Variants in HMGXB4 observed in about 807,000 individuals in gnomAD.
HMGXB4 encodes HMG-box containing 4, also known as HMG domain-containing protein 4.
A neutral mutation model predicts 63.9 loss-of-function variants in HMGXB4; 27 were observed. The observed-to-expected ratio is 0.42, with a 90% CI of 0.31 to 0.58. HMGXB4 has a LOEUF of 0.58. Ranked by LOEUF, HMGXB4 falls within the 20% of genes least tolerant of loss-of-function variation. The probability of loss-of-function intolerance (pLI) is 0.13; values close to 1 mark genes in which losing one functional copy is unlikely to be tolerated. For synonymous variants in HMGXB4, 264 were observed against 265.3 expected (o/e 0.99, Z 0.05); for missense variants, 624 against 700.7 (o/e 0.89, Z 1.24).
chr22:35,259,962 A>G (rs1014837641), intron 1 of HMGXB4, among the ~76,000 whole-genome samples: 1 of 152,166 alleles, frequency 6.6e-6, no homozygotes, highest in Non-Finnish European at 1.5e-5. Flanking sequence ...CCCTCTCACA[A>G]CTTTTTAATC....
At chr22:35,287,127 T>C in intron 7 of HMGXB4, 1 of 483,950 alleles carries the variant, frequency 2.1e-6, no homozygotes, top group South Asian at 2.5e-5. Flanking sequence ...GATTTGACCA[T>C]TAGCATTGAG....
At chr22:35,279,448 T>C (rs1022613686) in intron 5 of HMGXB4, among the ~76,000 whole-genome samples, 2 of 152,082 alleles carry the variant, frequency 1.3e-5, no homozygotes, top group East Asian at 3.9e-4. Context: ...GTCTTTTTAT[T>C]TTTTTAAGTG....
intron 9 of HMGXB4, among the ~76,000 whole-genome samples, chr22:35,290,031 T>C (rs1192788549): frequency 6.6e-6 from 1 of 152,232 alleles, no homozygotes; most frequent in Admixed American, 6.5e-5. Flanking sequence ...CTTTGGCTAG[T>C]TTCTAAAAAT....
chr22:35,265,196 G>C lies in HMGXB4; in HGVS notation c.808G>C (p.Asp270His), dbSNP rs1923135194. 6.2e-7 allele frequency: 1 copy of C among 1,614,028 alleles called. No individual in the cohort carries two copies. Among genetic ancestry groups the C allele is most frequent in the South Asian group, 1.1e-5 (1 of 91,074 alleles). ...TCCTGGCCCTGAAGGCTGTGGGTCT[G>C]ACGCCTCCCAGTTCGCAGAGTCCCA... is the stretch of plus-strand genomic sequence containing the variant. ...SSPGPEGCGS[D>H]ASQFAESHSA... Residue 270 changes from aspartate to histidine, a missense_variant, in exon 5 of 11, where the codon GAC (aspartate) becomes CAC (histidine). Asp to His is a moderately conservative substitution (Grantham distance 81). Around this residue, in one of 2 missense-constraint regions of HMGXB4, gnomAD observed 472 missense variants for 470.6 expected, o/e 1.00. Coordinates refer to ENST00000216106, the MANE Select transcript of HMGXB4 (RefSeq NM_001003681.3).
At chr22:35,287,589 C>A in intron 8 of HMGXB4, 137 bp downstream of exon 8, 1 of 648,458 alleles carries the variant, frequency 1.5e-6, no homozygotes. Context: ...ATGTTACAAG[C>A]TACCAAAAAG....
chr22:35,263,282 G>T, intron 3 of HMGXB4, 56 bp downstream of exon 3: 1 of 1,399,130 alleles, frequency 7.1e-7, no homozygotes, highest in Non-Finnish European at 9.8e-7. Context: ...TTTTTTTGGT[G>T]ATGCAGAGTT....
intron 2 of HMGXB4, 52 bp downstream of exon 2, chr22:35,262,473 C>CATGGGCTGCAAGGA: frequency 6.4e-7 from 1 of 1,552,876 alleles, no homozygotes; most frequent in Non-Finnish European, 8.9e-7. Flanking sequence ...CTCTTCAATC[C>CATGGGCTGCAAGGA]TTGCAGCCCA....
At position 35,282,518 on chromosome 22, in the gene HMGXB4, C is replaced by T. The variant is rs1029384163; in HGVS notation, c.1216-1444C>T. On this transcript the variant is annotated intron_variant, in intron 5 of 10. Coordinates refer to ENST00000216106, the MANE Select transcript of HMGXB4 (RefSeq NM_001003681.3). ...AAAAGGACTAGGAGTAGATGAAAGA[C>T]GGAGAATCATATTTTGATGCTTCCA... is the stretch of plus-strand genomic sequence containing the variant. 7.9e-5 allele frequency among the ~76,000 whole-genome samples: 12 copies of T among 152,216 alleles called. No homozygotes were observed. The East Asian group carries it at 9.7e-4, about 12-fold the overall frequency.
chr22:35,283,670 A>G (rs1924397380), intron 5 of HMGXB4, among the ~76,000 whole-genome samples: 3 of 152,114 alleles, frequency 2.0e-5, no homozygotes, highest in African/African-American at 7.2e-5. Flanking sequence ...GGCACCTGTA[A>G]TCTCAGCTAC....
intron 5 of HMGXB4, among the ~76,000 whole-genome samples, chr22:35,270,779 A>T (rs1280738581): frequency 6.6e-6 from 1 of 152,182 alleles, no homozygotes; most frequent in Non-Finnish European, 1.5e-5. Context: ...AAGAGTTAAT[A>T]TCTTTGATTG....
chr22:35,293,761 A>C lies in HMGXB4; in HGVS notation c.*110A>C. On this transcript the variant is annotated 3_prime_UTR_variant, in exon 11 of 11. Transcript: ENST00000216106. ...CTCTGGCTGTAGGTTTTAAATTTTTATATCTATACATACATATATACATAT... is the reference window on the plus strand; with the variant it reads ...CTCTGGCTGTAGGTTTTAAATTTTTCTATCTATACATACATATATACATAT... 1 of 664,442 alleles carries C rather than the reference A, an allele frequency of 1.5e-6. No homozygotes were observed. Among genetic ancestry groups the C allele is most frequent in the Admixed American group, 2.5e-5 (1 of 40,562 alleles). The allele number at this position is 664,442 out of a possible 1,614,324, so 41.2% of individuals were successfully genotyped here. A position where few individuals can be genotyped will look rare whatever the true frequency, so the allele number is the denominator to read the frequency against.
chr22:35,263,865 T>C lies in HMGXB4; in HGVS notation c.250T>C (p.Tyr84His). ...KKRKHSSDDY[Y>H]YGDISSLESS... The stretch of plus-strand genomic sequence containing the variant: ...GAGGAAGCACTCCTCTGATGATTAC[T>C]ACTATGGAGGTGAGGATGGGAATGG... The change falls in exon 4 of 11, where the codon TAC becomes CAC. Residue 84 changes from tyrosine to histidine, a missense_variant. By Grantham distance (83) the Tyr-to-His change is moderately conservative. Around this residue, in one of 2 missense-constraint regions of HMGXB4, gnomAD observed 472 missense variants for 470.6 expected, o/e 1.00. Transcript: ENST00000216106. The C allele has an allele frequency of 6.2e-7, 1 of 1,613,350 alleles. No homozygotes were observed. The highest frequency in any genetic ancestry group is 8.5e-7 in the Non-Finnish European group (1 of 1,179,272).
At chr22:35,253,243 T>C (rs573507379), upstream of HMGXB4, among the ~76,000 whole-genome samples, 2 of 152,150 alleles carry the variant, frequency 1.3e-5, no homozygotes, top group Admixed American at 6.5e-5. Flanking sequence ...GAAGGGGCCC[T>C]GAAGATAAAA....
chr22:35,265,398 A>G lies in HMGXB4; in HGVS notation c.1010A>G (p.Lys337Arg), dbSNP rs1923159061. Residue 337 changes from lysine to arginine, a missense_variant, in exon 5 of 11, where the codon AAG (lysine) becomes AGG (arginine). Lys to Arg is a conservative substitution (Grantham distance 26, BLOSUM62 2). Coordinates refer to ENST00000216106, the MANE Select transcript of HMGXB4 (RefSeq NM_001003681.3). ...KKKDKEKHKE[K>R]RHSKSKRSLG... The stretch of plus-strand genomic sequence containing the variant: ...AAAGACAAGGAGAAGCATAAAGAGA[A>G]GCGACACTCCAAGTCCAAGAGAAGT... 1 of 1,614,064 alleles carries G rather than the reference A, an allele frequency of 6.2e-7. No individual in the cohort carries two copies. Among genetic ancestry groups the G allele is most frequent in the Non-Finnish European group, 8.5e-7 (1 of 1,179,962 alleles).
At chr22:35,266,482 T>C (rs983648550) in intron 5 of HMGXB4, among the ~76,000 whole-genome samples, 14 of 152,228 alleles carry the variant, frequency 9.2e-5, no homozygotes, top group African/African-American at 3.4e-4. Context: ...TTGTTGACTT[T>C]AGGGAGCTCA....
the HMGXB4 span, among the ~76,000 whole-genome samples, chr22:35,242,158 C>G: frequency 6.6e-6 from 1 of 152,074 alleles, no homozygotes; most frequent in Non-Finnish European, 1.5e-5. Flanking sequence ...TAGGAGAATT[C>G]TCTGGCAAAA....
intron 1 of HMGXB4, among the ~76,000 whole-genome samples, chr22:35,261,568 A>G (rs1568994376): frequency 6.6e-6 from 1 of 152,232 alleles, no homozygotes; most frequent in Non-Finnish European, 1.5e-5. Flanking sequence ...AATATCTAGA[A>G]CATTTAAATT....
In HMGXB4 at chr22:35,264,805, C is replaced by T; in HGVS notation, c.417C>T (p.Ser139=). ...GGGAGAAATCCTCTGGCTCTTCAAGCCATTCGGAGAGTAAAAAGGAGCACC... is the reference window on the plus strand; with the variant it reads ...GGGAGAAATCCTCTGGCTCTTCAAGTCATTCGGAGAGTAAAAAGGAGCACC... ...KTGEKSSGSS[S]HSESKKEHHR... The change falls in exon 5 of 11, where the codon AGC becomes AGT. Residue 139 remains serine, a synonymous_variant. Coordinates refer to ENST00000216106, the MANE Select transcript of HMGXB4 (RefSeq NM_001003681.3). 1 of 1,614,112 alleles carries T rather than the reference C, an allele frequency of 6.2e-7. No individual in the cohort carries two copies. The highest frequency in any genetic ancestry group is 8.5e-7 in the Non-Finnish European group (1 of 1,180,030).
intron 9 of HMGXB4, among the ~76,000 whole-genome samples, chr22:35,289,654 T>C (rs1172271451): frequency 1.3e-5 from 2 of 152,216 alleles, no homozygotes; most frequent in African/African-American, 4.8e-5. Flanking sequence ...GAAGTTAAGG[T>C]TCCCAGCTCT....
Sources: gnomAD v4.1 joint callset for allele counts (sites outside exome capture counted in the v4.1 genomes callset) on GRCh38, gnomAD v4.1.1 for gene constraint, gnomAD v4.1.1 regional missense constraint, MANE v1.5 for transcripts, NCBI Gene and HGNC (gene_info 2026-07-23, HGNC 2026-07-21) for gene names.